The following TMEM132D variants were observed in gnomAD, a reference collection of about 807,000 sequenced individuals.
The protein encoded by TMEM132D is mature OL transmembrane protein.
TMEM132D carries 21 observed loss-of-function variants against 62.3 expected under a neutral mutation model. The observed-to-expected ratio is 0.34, with a 90% CI of 0.24 to 0.49. The LOEUF (loss-of-function observed/expected upper bound fraction) is 0.49. TMEM132D is among the 20% of genes least tolerant of loss of function. The pLI is 0.99. For missense variants in TMEM132D, 1,346 were observed against 1,402.8 expected (o/e 0.96, Z 0.65); for synonymous variants, 621 against 575.6 (o/e 1.08, Z -1.13).
At position 129,447,582 on chromosome 12, in the gene TMEM132D, C is replaced by T. The variant is rs552957233; in HGVS notation, c.1115+83477G>A. ...TCTTGTATGGAACAAAGCCTTTCTC[C>T]TTGAGGTAACCAGAATGATGGGAAA... is the stretch of plus-strand genomic sequence containing the variant. On this transcript the variant is annotated intron_variant, in intron 3 of 8. Coordinates refer to ENST00000422113, the MANE Select transcript of TMEM132D (RefSeq NM_133448.3). 2.0e-5 allele frequency among the ~76,000 whole-genome samples: 3 copies of T among 152,210 alleles called. No individual in the cohort carries two copies. The East Asian group carries it at 5.8e-4, about 29-fold the overall frequency.
intron 4 of TMEM132D, among the ~76,000 whole-genome samples, chr12:129,333,615 C>G (rs996118763): frequency 1.3e-5 from 2 of 152,192 alleles, no homozygotes; most frequent in African/African-American, 4.8e-5. Context: ...CAGTCCAGGA[C>G]AGCACCAGAC....
intron 3 of TMEM132D, among the ~76,000 whole-genome samples, chr12:129,407,800 G>C (rs1871838259): frequency 6.6e-6 from 1 of 151,498 alleles, no homozygotes; most frequent in African/African-American, 2.4e-5. Context: ...TACTCGGGAG[G>C]CTGAGGCAGG....
chr12:129,407,083 A>G (rs1252576931), intron 3 of TMEM132D, among the ~76,000 whole-genome samples: 1 of 152,266 alleles, frequency 6.6e-6, no homozygotes, highest in African/African-American at 2.4e-5. Context: ...TTCAAAGTCA[A>G]AAATGAAAAG....
In TMEM132D at chr12:129,886,693, C is replaced by T. The variant is rs552468181; in HGVS notation, c.79+16568G>A. ...CTTAGGAGTCAAGAAACACAGGGCA[C>T]TCTTTGATATGGTCTGGCTGTGTCC... On this transcript the variant is annotated intron_variant, in intron 1 of 8. Coordinates refer to ENST00000422113, the MANE Select transcript of TMEM132D (RefSeq NM_133448.3). Among the ~76,000 whole-genome samples, 11 of 152,274 alleles carry T rather than the reference C, an allele frequency of 7.2e-5. No homozygotes were observed. The South Asian group carries it at 1.7e-3, about 23-fold the overall frequency.
chr12:129,890,498 A>T (rs1411472736), intron 1 of TMEM132D, among the ~76,000 whole-genome samples: 2 of 152,080 alleles, frequency 1.3e-5, no homozygotes, highest in East Asian at 3.9e-4. Context: ...TCTAGCTGCT[A>T]CCTCCTATGC....
intron 2 of TMEM132D, among the ~76,000 whole-genome samples, chr12:129,657,566 C>T (rs1880122775): frequency 6.6e-6 from 1 of 152,170 alleles, no homozygotes; most frequent in South Asian, 2.1e-4. Context: ...TGCTGAAGGT[C>T]ATCGTTTGAG....
intron 3 of TMEM132D, among the ~76,000 whole-genome samples, chr12:129,481,764 A>G (rs1022142814): frequency 1.2e-4 from 18 of 152,172 alleles, no homozygotes; most frequent in African/African-American, 4.1e-4. Flanking sequence ...CAGTGTTTAT[A>G]AAAATTAAAA....
chr12:129,124,855 C>A (rs1196412429), intron 5 of TMEM132D, among the ~76,000 whole-genome samples: 1 of 152,138 alleles, frequency 6.6e-6, no homozygotes, highest in Non-Finnish European at 1.5e-5. Context: ...TGCATCATCC[C>A]CAGAACTTTC....
chr12:129,864,566 T>C (rs1017466812), intron 1 of TMEM132D, among the ~76,000 whole-genome samples: 2 of 152,210 alleles, frequency 1.3e-5, no homozygotes, highest in Non-Finnish European at 2.9e-5. Context: ...ATTGGAGACC[T>C]GCTGGAAGCC....
chr12:129,389,823 C>G (rs986404468), intron 3 of TMEM132D, among the ~76,000 whole-genome samples: 3 of 152,158 alleles, frequency 2.0e-5, no homozygotes, highest in African/African-American at 7.2e-5. Context: ...GTTGAAGAGA[C>G]GGAGGCAGAG....
intron 5 of TMEM132D, among the ~76,000 whole-genome samples, chr12:129,180,211 G>A (rs1878025923): frequency 1.8e-5 from 1 of 54,406 alleles, no homozygotes; most frequent in Non-Finnish European, 4.9e-5. Flanking sequence ...CAGATAGTGG[G>A]GAGGAGGAGG....
intron 1 of TMEM132D, among the ~76,000 whole-genome samples, chr12:129,758,038 G>T (rs553871545): frequency 1.3e-5 from 2 of 152,218 alleles, no homozygotes; most frequent in African/African-American, 4.8e-5. Context: ...AAGTAGATGG[G>T]ATTACAGGTG....
At chr12:129,228,167 T>C (rs1018742133) in intron 4 of TMEM132D, among the ~76,000 whole-genome samples, 2 of 152,102 alleles carry the variant, frequency 1.3e-5, no homozygotes, top group African/African-American at 4.8e-5. Context: ...TGACCTAAGG[T>C]TGTTAGAAAC....
At chr12:129,358,475 G>A (rs1398478348) in intron 3 of TMEM132D, among the ~76,000 whole-genome samples, 10 of 152,066 alleles carry the variant, frequency 6.6e-5, no homozygotes, top group Admixed American at 5.2e-4. Flanking sequence ...AATTGGCCAC[G>A]GTGGAGTATT....
chr12:129,134,158 GTGTGTGTCTGTGTGTGTGTGTC>G (rs1876480322), intron 5 of TMEM132D, among the ~76,000 whole-genome samples: 1 of 149,650 alleles, frequency 6.7e-6, no homozygotes, highest in Non-Finnish European at 1.5e-5. Flanking sequence ...CTGTGTCTGT[GTGTGTGTCTGTGTGTGTGTGTC>G]TGTGTGTCTG....
chr12:129,293,225 A>G (rs554391480), intron 4 of TMEM132D, among the ~76,000 whole-genome samples: 1 of 152,240 alleles, frequency 6.6e-6, no homozygotes, highest in Admixed American at 6.5e-5. Flanking sequence ...TGGACCCAAA[A>G]AGTCAGTTCA....
At chr12:129,452,670 T>C (rs754851162) in intron 3 of TMEM132D, among the ~76,000 whole-genome samples, 4 of 151,882 alleles carry the variant, frequency 2.6e-5, no homozygotes, top group Non-Finnish European at 5.9e-5. Flanking sequence ...CTGGTGAGAG[T>C]ATTTTTAAAA....
intron 2 of TMEM132D, among the ~76,000 whole-genome samples, chr12:129,571,923 AAATGC>A (rs1171180119): frequency 6.6e-6 from 1 of 152,176 alleles, no homozygotes; most frequent in African/African-American, 2.4e-5. Flanking sequence ...CCCAGAGGGT[AAATGC>A]TTGCTAGTGG....
At chr12:129,515,245 C>A (rs1197703316) in intron 3 of TMEM132D, among the ~76,000 whole-genome samples, 1 of 152,190 alleles carries the variant, frequency 6.6e-6, no homozygotes, top group Non-Finnish European at 1.5e-5. Flanking sequence ...TGTCTTGTTG[C>A]TGTCGGTACA....
Sources: gnomAD v4.1 joint callset for allele counts (sites outside exome capture counted in the v4.1 genomes callset) on GRCh38, gnomAD v4.1.1 for gene constraint, MANE v1.5 for transcripts, NCBI Gene and HGNC (gene_info 2026-07-23, HGNC 2026-07-21) for gene names.